NCAM2: variants seen among roughly 807,000 people sequenced by gnomAD.
NCAM2 encodes neural cell adhesion molecule 2.
NCAM2 carries 30 observed loss-of-function variants against 98.1 expected under a neutral mutation model. The observed-to-expected ratio is 0.31, with a 90% CI of 0.23 to 0.41. The LOEUF is 0.41. Among genes scored for constraint, NCAM2 ranks in the 10% least tolerant of loss-of-function variants. NCAM2 has a pLI of 1.00. For missense variants in NCAM2, 867 were observed against 1,005.8 expected, an observed-to-expected ratio of 0.86 and a Z score of 1.87; for synonymous variants, 368 against 342.4, an observed-to-expected ratio of 1.07 and a Z score of -0.83.
In NCAM2 at chr21:21,512,994, T is replaced by C. The variant is rs141085538; in HGVS notation, c.2282+3939T>C. 2.0e-3 allele frequency among the ~76,000 whole-genome samples: 302 copies of C among 152,220 alleles called. 2 individuals carry two copies. Among genetic ancestry groups the C allele is most frequent in the Admixed American group, 0.018 (271 of 15,280 alleles). ...CTAATAGTTTTTTTGGTGGAGTTTT[T>C]AGCATTTTCTAAATATAAGATCTGT... On this transcript the variant is annotated intron_variant, in intron 16 of 17. Coordinates refer to ENST00000400546, the MANE Select transcript of NCAM2 (RefSeq NM_004540.5).
At chr21:21,239,123 G>A (rs1419981989) in intron 1 of NCAM2, among the ~76,000 whole-genome samples, 3 of 152,184 alleles carry the variant, frequency 2.0e-5, no homozygotes, top group Non-Finnish European at 4.4e-5. Flanking sequence ...CCTCTAGAAT[G>A]TTTATTCTTT....
intron 16 of NCAM2, among the ~76,000 whole-genome samples, chr21:21,526,754 G>A (rs1229408928): frequency 1.3e-5 from 2 of 152,092 alleles, no homozygotes; most frequent in African/African-American, 2.4e-5. Flanking sequence ...AAGACTTTGT[G>A]ATATTGGCCA....
intron 14 of NCAM2, among the ~76,000 whole-genome samples, chr21:21,473,588 A>G (rs1365864825): frequency 6.6e-6 from 1 of 151,680 alleles, no homozygotes; most frequent in Non-Finnish European, 1.5e-5. Flanking sequence ...AGTCAGAAGA[A>G]TCAAAACTTC....
At chr21:21,521,900 C>G (rs79984407) in intron 16 of NCAM2, among the ~76,000 whole-genome samples, 3,281 of 151,596 alleles carry the variant, frequency 0.022, 123 homozygotes, top group African/African-American at 0.075. Context: ...TGTCAGGCAC[C>G]ATACCATAGA....
At chr21:21,358,268 C>T (rs569332882) in intron 8 of NCAM2, among the ~76,000 whole-genome samples, 1 of 152,164 alleles carries the variant, frequency 6.6e-6, no homozygotes, top group African/African-American at 2.4e-5. Context: ...ACGTAAGAAT[C>T]ACATAAGGAG....
intron 1 of NCAM2, among the ~76,000 whole-genome samples, chr21:21,206,442 C>T (rs920203081): frequency 1.3e-5 from 2 of 152,060 alleles, no homozygotes; most frequent in African/African-American, 4.8e-5. Flanking sequence ...TTATTCTAAA[C>T]TAATTATAAT....
chr21:21,285,916 G>A (rs566436097), intron 3 of NCAM2, among the ~76,000 whole-genome samples: 16 of 151,966 alleles, frequency 1.1e-4, no homozygotes, highest in South Asian at 1.0e-3. Context: ...AATTGAAGGC[G>A]GTGCAAATGC....
chr21:21,292,028 C>A, intron 4 of NCAM2, 76 bp from the exon 5 acceptor site: 1 of 1,386,008 alleles, frequency 7.2e-7, no homozygotes, highest in Non-Finnish European at 9.7e-7. Flanking sequence ...CATATTTTAA[C>A]TCTTAACAAT....
intron 5 of NCAM2, among the ~76,000 whole-genome samples, chr21:21,310,008 G>T (rs1264609584): frequency 1.3e-5 from 2 of 152,116 alleles, no homozygotes; most frequent in African/African-American, 4.8e-5. Flanking sequence ...GATATTTTTA[G>T]ATATATGTTT....
chr21:21,085,947 A>G (rs545624371), intron 1 of NCAM2, among the ~76,000 whole-genome samples: 26 of 152,308 alleles, frequency 1.7e-4, no homozygotes, highest in Non-Finnish European at 3.5e-4. Context: ...AAATAAATTT[A>G]TTAAGCACTG....
chr21:21,237,564 G>A (rs945689004), intron 1 of NCAM2, among the ~76,000 whole-genome samples: 3 of 151,782 alleles, frequency 2.0e-5, no homozygotes, highest in Non-Finnish European at 4.4e-5. Flanking sequence ...TTTAAATAAA[G>A]GATTTATATC....
At chr21:21,521,389 A>G (rs1989007023) in intron 16 of NCAM2, among the ~76,000 whole-genome samples, 1 of 152,202 alleles carries the variant, frequency 6.6e-6, no homozygotes, top group African/African-American at 2.4e-5. Context: ...CAGGAAAAAA[A>G]TTACAAGGAG....
chr21:21,101,475 G>A (rs576736968), intron 1 of NCAM2, among the ~76,000 whole-genome samples: 61 of 152,122 alleles, frequency 4.0e-4, no homozygotes, highest in African/African-American at 1.4e-3. Flanking sequence ...AAGAATCAAG[G>A]TAGAGTCAAC....
chr21:21,080,656 CAAAA>C (rs1340023403), intron 1 of NCAM2, among the ~76,000 whole-genome samples: 1 of 53,260 alleles, frequency 1.9e-5, no homozygotes, highest in Non-Finnish European at 3.3e-5. Context: ...GATAAGATCT[CAAAA>C]AAAAAAAAAA....
chr21:21,487,360 AT>A (rs1986476029), intron 15 of NCAM2, among the ~76,000 whole-genome samples: 2 of 151,976 alleles, frequency 1.3e-5, no homozygotes, highest in African/African-American at 4.8e-5. Flanking sequence ...ATTTAAACTT[AT>A]TTTAAGTATC....
At chr21:21,484,995 A>T (rs1602476575) in intron 15 of NCAM2, among the ~76,000 whole-genome samples, 1 of 152,070 alleles carries the variant, frequency 6.6e-6, no homozygotes, top group East Asian at 1.9e-4. Context: ...AGAATTGTGG[A>T]TCACTACTAT....
chr21:21,528,185 A>C (rs925769277), intron 16 of NCAM2, among the ~76,000 whole-genome samples: 4 of 152,214 alleles, frequency 2.6e-5, no homozygotes, highest in Non-Finnish European at 5.9e-5. Context: ...GTGGTTGCAC[A>C]TGTTGGAAAG....
At chr21:21,524,392 G>A (rs1287284906) in intron 16 of NCAM2, among the ~76,000 whole-genome samples, 1 of 149,458 alleles carries the variant, frequency 6.7e-6, no homozygotes, top group Non-Finnish European at 1.5e-5. Context: ...AGACTTTAAC[G>A]CTGCCCTATA....
rs2072341838 is a variant in NCAM2, at chr21:21,267,758, G to C, written c.56-12820G>C. Among the ~76,000 whole-genome samples the C allele has an allele frequency of 2.0e-5, 3 of 152,144 alleles. No homozygotes were observed. In the South Asian group the frequency reaches 6.2e-4, roughly 31 times the overall value. Reference sequence around the variant, plus strand: ...TTAACATTTACTGATTATTTACAATGTGTCAAACACTGATTTAAATTCTTT... The same window carrying C: ...TTAACATTTACTGATTATTTACAATCTGTCAAACACTGATTTAAATTCTTT... On this transcript the variant is annotated intron_variant, in intron 1 of 17. Coordinates refer to ENST00000400546, the MANE Select transcript of NCAM2 (RefSeq NM_004540.5).
Sources: gnomAD v4.1 joint callset for allele counts (sites outside exome capture counted in the v4.1 genomes callset) on GRCh38, gnomAD v4.1.1 for gene constraint, MANE v1.5 for transcripts, NCBI Gene and HGNC (gene_info 2026-07-23, HGNC 2026-07-21) for gene names.